The following SLC47A2 variants were observed in gnomAD, a reference collection of about 807,000 sequenced individuals.
The protein encoded by SLC47A2 is multidrug and toxin extrusion protein 2.
A neutral mutation model predicts 67.7 loss-of-function variants in SLC47A2; 52 were observed. The ratio of observed to expected loss-of-function variants is 0.77; its 90% CI spans 0.61 to 0.97. SLC47A2 has a LOEUF of 0.97. Ranked by LOEUF, SLC47A2 falls within the 50% of genes least tolerant of loss-of-function variation. The pLI is 0.00. For synonymous variants in SLC47A2, 278 were observed against 292.9 expected, an observed-to-expected ratio of 0.95 and a Z score of 0.52; for missense variants, 676 against 712.3, an observed-to-expected ratio of 0.95 and a Z score of 0.58.
chr17:19,698,819 C>T (rs1043862902), intron 13 of SLC47A2, among the ~76,000 whole-genome samples: 5 of 148,346 alleles, frequency 3.4e-5, no homozygotes, highest in African/African-American at 1.2e-4. Flanking sequence ...TGGATGCAAC[C>T]AGCCATGGAT....
rs200804233 is a variant in SLC47A2 at position 19,705,519 on chromosome 17, G to T, written c.842-16C>A. The T allele has an allele frequency of 5.0e-6, 8 of 1,605,570 alleles. No homozygotes were observed. Among genetic ancestry groups the T allele is most frequent in the South Asian group, 3.3e-5 (3 of 89,896 alleles). On this transcript the variant is annotated splice_polypyrimidine_tract_variant and intron_variant, in intron 9 of 16. Transcript: ENST00000433844. ...CTGAGCAGCCCTAGAGAAGAGGCCC[G>T]CCGTGAGTCCGGCCCGCAGCCCCAG...
chr17:19,692,841 G>C lies in SLC47A2; in HGVS notation c.1164+9764C>G, dbSNP rs531663014. ...AAATATATACACCATGATCAAGAGA[G>C]GTTTATCCGGGCCAGGCGCAGTGGC... On this transcript the variant is annotated intron_variant, in intron 13 of 16. Coordinates refer to ENST00000433844, the MANE Select transcript of SLC47A2 (RefSeq NM_001099646.3). Among the ~76,000 whole-genome samples, 3 of 152,234 alleles carry C rather than the reference G, an allele frequency of 2.0e-5. No individual in the cohort carries two copies. The South Asian group carries it at 6.2e-4, about 32-fold the overall frequency.
chr17:19,679,718 C>G (rs1386717904), intron 16 of SLC47A2, among the ~76,000 whole-genome samples: 5 of 151,924 alleles, frequency 3.3e-5, no homozygotes, highest in African/African-American at 1.2e-4. Context: ...GGGCATACAT[C>G]TAGTTGCCTC....
chr17:19,716,422 C>T lies in SLC47A2; in HGVS notation c.123+11G>A, dbSNP rs1313919305. Reference sequence around the variant, plus strand: ...CCACTCCCTACCTGCCCCCCAGCTCCTCCTCCTTACCAGGGGTCCAGAAAG... The same window carrying T: ...CCACTCCCTACCTGCCCCCCAGCTCTTCCTCCTTACCAGGGGTCCAGAAAG... On this transcript the variant is annotated intron_variant, in intron 1 of 16. Coordinates refer to ENST00000433844, the MANE Select transcript of SLC47A2 (RefSeq NM_001099646.3). The T allele has an allele frequency of 2.5e-6, 4 of 1,606,196 alleles. 1 individual carries two copies. The highest frequency in any genetic ancestry group is 1.7e-5 in the Admixed American group (1 of 59,136).
At position 19,714,850 on chromosome 17, in the gene SLC47A2, G is replaced by A; in HGVS notation, c.226-61C>T. 3 of 1,604,542 alleles carry A rather than the reference G, an allele frequency of 1.9e-6. No individual in the cohort carries two copies. The South Asian group carries it at 3.3e-5, about 18-fold the overall frequency. On this transcript the variant is annotated intron_variant, in intron 2 of 16. Coordinates refer to ENST00000433844, the MANE Select transcript of SLC47A2 (RefSeq NM_001099646.3). Reference sequence around the variant, plus strand: ...AGGTGAGGCCTGAAGAGAGGCCCCTGCATCTGGGCTGAGCCAGGGTCAGGA... The same window carrying A: ...AGGTGAGGCCTGAAGAGAGGCCCCTACATCTGGGCTGAGCCAGGGTCAGGA...
intron 15 of SLC47A2, among the ~76,000 whole-genome samples, chr17:19,680,786 CGTTT>C (rs1291228552): frequency 6.6e-6 from 1 of 152,134 alleles, no homozygotes; most frequent in Non-Finnish European, 1.5e-5. Context: ...GAGTTCTTTG[CGTTT>C]GTTTGGTTTT....
intron 13 of SLC47A2, among the ~76,000 whole-genome samples, chr17:19,691,240 A>G: frequency 6.6e-6 from 1 of 152,204 alleles, no homozygotes; most frequent in East Asian, 1.9e-4. Context: ...TGATCCAGCA[A>G]TCCTGCTAGG....
In SLC47A2 at chr17:19,713,538, C is replaced by T. The variant is rs371313101; in HGVS notation, c.443+287G>A. Among the ~76,000 whole-genome samples the T allele has an allele frequency of 4.6e-5, 7 of 152,188 alleles. No individual in the cohort carries two copies. In the East Asian group the frequency reaches 9.6e-4, roughly 21 times the overall value. ...GCATCTGTAAAGCTCCAACTGTGTC[C>T]GGGCACACAAATGCAAATAAAATGC... is the stretch of plus-strand genomic sequence containing the variant. On this transcript the variant is annotated intron_variant, in intron 4 of 16. Transcript: ENST00000433844.
chr17:19,707,102 C>T (rs1044962091), intron 8 of SLC47A2, among the ~76,000 whole-genome samples: 1 of 152,124 alleles, frequency 6.6e-6, no homozygotes, highest in Non-Finnish European at 1.5e-5. Flanking sequence ...GCCCTGCCTC[C>T]CTGGGGAGTT....
chr17:19,693,636 A>AAT (rs369071456), intron 13 of SLC47A2, among the ~76,000 whole-genome samples: 3 of 116,994 alleles, frequency 2.6e-5, no homozygotes, highest in Non-Finnish European at 5.9e-5. Context: ...TAATAATAAT[A>AAT]AATAAATAAA....
At chr17:19,694,138 A>G (rs930526055) in intron 13 of SLC47A2, among the ~76,000 whole-genome samples, 2 of 152,188 alleles carry the variant, frequency 1.3e-5, no homozygotes, top group Non-Finnish European at 2.9e-5. Context: ...CTAAATAACT[A>G]GAGACATTCT....
Position 19,706,702 on chromosome 17 carries a change from T to C in SLC47A2, c.787A>G (p.Met263Val), listed in dbSNP as rs931940400. The C allele has an allele frequency of 1.2e-6, 2 of 1,611,420 alleles. No homozygotes were observed. Among genetic ancestry groups the C allele is most frequent in the Admixed American group, 1.7e-5 (1 of 59,482 alleles). The change falls in exon 9 of 17, where the codon ATG becomes GTG. Residue 263 changes from methionine to valine, a missense_variant. Transcript: ENST00000433844. ...GPFFSLAVPS[M>V]LMICVEWWAY... ...CACCACTCAACACAGATCATGAGCA[T>C]GCTGGGGACAGCCAGGGAGAAGAAG...
At chr17:19,681,800 C>A in intron 13 of SLC47A2, 130 bp from the exon 14 acceptor site, 2 of 1,113,570 alleles carry the variant, frequency 1.8e-6, no homozygotes, top group Admixed American at 2.7e-5. Flanking sequence ...TGGATGGGTG[C>A]CCTTATCTCC....
At chr17:19,705,724 A>G (rs1484270236) in intron 9 of SLC47A2, among the ~76,000 whole-genome samples, 1 of 151,624 alleles carries the variant, frequency 6.6e-6, no homozygotes, top group African/African-American at 2.4e-5. Context: ...TCAGGCCCCC[A>G]AGTAGCTGGG....
intron 13 of SLC47A2, among the ~76,000 whole-genome samples, chr17:19,701,141 C>T (rs1427811239): frequency 6.9e-6 from 1 of 144,216 alleles, no homozygotes; most frequent in East Asian, 2.0e-4. Flanking sequence ...GCACTCCAGC[C>T]TGGGCGACAG....
At position 19,708,716 on chromosome 17, in the gene SLC47A2, C is replaced by T. The variant is rs1234783488; in HGVS notation, c.531G>A (p.Gln177=). The T allele has an allele frequency of 2.5e-6, 4 of 1,613,972 alleles. No homozygotes were observed. Among genetic ancestry groups the T allele is most frequent in the Non-Finnish European group, 3.4e-6 (4 of 1,180,046 alleles). Residue 177 remains glutamine, a splice_region_variant and synonymous_variant, in exon 6 of 17, where the codon CAG becomes CAA. Coordinates refer to ENST00000433844, the MANE Select transcript of SLC47A2 (RefSeq NM_001099646.3). ...CTCCCCACACACCAAAGACCTGTAC[C>T]TGATTTTGCAAATATTTTGCCAGCA... ...YNLLAKYLQN[Q]KITWPQVLSG... is the part of the protein sequence containing the mutation.
chr17:19,701,167 C>CAAAAAAA (rs35086555), intron 13 of SLC47A2, among the ~76,000 whole-genome samples: 1 of 64,962 alleles, frequency 1.5e-5, no homozygotes, highest in African/African-American at 5.3e-5. Context: ...GACTCTGTCT[C>CAAAAAAA]AAAAAAAAAA....
chr17:19,688,535 C>T (rs1472127614), intron 13 of SLC47A2, among the ~76,000 whole-genome samples: 2 of 152,114 alleles, frequency 1.3e-5, no homozygotes, highest in Non-Finnish European at 2.9e-5. Flanking sequence ...GAAAGTGCAT[C>T]CAGATTGAAA....
chr17:19,702,334 A>G (rs753193278), intron 13 of SLC47A2: 3 of 985,214 alleles, frequency 3.0e-6, no homozygotes, highest in Non-Finnish European at 3.6e-6. Context: ...CCGGAAGAAA[A>G]AGATTTGTGG....
Sources: gnomAD v4.1 joint callset for allele counts (sites outside exome capture counted in the v4.1 genomes callset) on GRCh38, gnomAD v4.1.1 for gene constraint, MANE v1.5 for transcripts, NCBI Gene and HGNC (gene_info 2026-07-23, HGNC 2026-07-21) for gene names.